GPC5: variants seen among roughly 807,000 people sequenced by gnomAD.
GPC5 encodes glypican-5.
GPC5 carries 47 observed loss-of-function variants against 53.9 expected under a neutral mutation model. That is an observed-to-expected ratio of 0.87 (90% CI 0.69 to 1.11). GPC5 has a LOEUF of 1.11. Among genes scored for constraint, GPC5 ranks in the 50% most tolerant of loss-of-function variants. The probability of loss-of-function intolerance (pLI) is 0.00; values close to 1 mark genes in which losing one functional copy is unlikely to be tolerated. For synonymous variants in GPC5, 286 were observed against 263.3 expected (o/e 1.09, Z -0.84); for missense variants, 748 against 713.1 (o/e 1.05, Z -0.56).
chr13:91,638,809 G>GTAT (rs1388496717), intron 2 of GPC5, among the ~76,000 whole-genome samples: 1 of 152,106 alleles, frequency 6.6e-6, no homozygotes, highest in African/African-American at 2.4e-5. Context: ...GTTAGCTAAC[G>GTAT]TATTATACCT....
chr13:91,805,656 A>G (rs779552795), intron 5 of GPC5, among the ~76,000 whole-genome samples: 4 of 152,214 alleles, frequency 2.6e-5, no homozygotes, highest in Non-Finnish European at 4.4e-5. Flanking sequence ...TTCTCATGCC[A>G]GATGCTCTTT....
In GPC5 at chr13:92,460,441, T is replaced by C. The variant is rs76366572; in HGVS notation, c.1561+315452T>C. On this transcript the variant is annotated intron_variant, in intron 7 of 7. Coordinates refer to ENST00000377067, the MANE Select transcript of GPC5 (RefSeq NM_004466.6). The stretch of plus-strand genomic sequence containing the variant: ...CTTTCTTACTTTCTTTTTTTTTCTT[T>C]CTGCAAGGAAAAGTTATGTCCAATA... Among the ~76,000 whole-genome samples the C allele has an allele frequency of 3.2e-3, 480 of 152,272 alleles. 1 individual carries two copies. The highest frequency in any genetic ancestry group is 0.011 in the African/African-American group (442 of 41,550).
At chr13:92,280,758 T>C (rs950914223) in intron 7 of GPC5, among the ~76,000 whole-genome samples, 10 of 151,894 alleles carry the variant, frequency 6.6e-5, no homozygotes, top group Admixed American at 3.9e-4. Flanking sequence ...TATGACGGGG[T>C]GCGGGGGGCG....
At chr13:92,482,158 G>A (rs1377517291) in intron 7 of GPC5, among the ~76,000 whole-genome samples, 1 of 151,922 alleles carries the variant, frequency 6.6e-6, no homozygotes, top group Non-Finnish European at 1.5e-5. Flanking sequence ...GATGTTGGGT[G>A]CGTAGCAGCT....
chr13:91,579,718 C>T (rs1166285401), intron 2 of GPC5, among the ~76,000 whole-genome samples: 4 of 148,940 alleles, frequency 2.7e-5, no homozygotes, highest in African/African-American at 9.9e-5. Flanking sequence ...AACTTCTGCC[C>T]CCTGGGTTCA....
intron 7 of GPC5, among the ~76,000 whole-genome samples, chr13:92,357,583 C>A (rs1319978214): frequency 6.6e-6 from 1 of 151,572 alleles, no homozygotes; most frequent in Non-Finnish European, 1.5e-5. Context: ...AAAGAACTAC[C>A]AGAGACTCGG....
intron 6 of GPC5, among the ~76,000 whole-genome samples, chr13:92,091,507 T>C (rs934354275): frequency 1.3e-5 from 2 of 151,996 alleles, no homozygotes; most frequent in Non-Finnish European, 2.9e-5. Flanking sequence ...AACGCATTTA[T>C]TATACCATTT....
intron 2 of GPC5, among the ~76,000 whole-genome samples, chr13:91,570,536 A>G (rs2031735369): frequency 6.6e-6 from 1 of 152,194 alleles, no homozygotes; most frequent in African/African-American, 2.4e-5. Flanking sequence ...ATGGGTGCCT[A>G]TGATTATGTT....
chr13:92,624,854 T>A (rs1384296867), intron 7 of GPC5, among the ~76,000 whole-genome samples: 2 of 152,228 alleles, frequency 1.3e-5, no homozygotes, highest in Non-Finnish European at 2.9e-5. Flanking sequence ...GGGCTTACTA[T>A]GCAAATATCC....
chr13:92,832,643 TC>T (rs1486703185), intron 7 of GPC5, among the ~76,000 whole-genome samples: 1 of 152,124 alleles, frequency 6.6e-6, no homozygotes, highest in Non-Finnish European at 1.5e-5. Context: ...ACCCCTTGAC[TC>T]CCTTACCTCC....
At position 91,921,715 on chromosome 13, in the gene GPC5, G is replaced by A. The variant is rs1014751553; in HGVS notation, c.1401+13658G>A. On this transcript the variant is annotated intron_variant, in intron 6 of 7. Coordinates refer to ENST00000377067, the MANE Select transcript of GPC5 (RefSeq NM_004466.6). ...AATCCCAGCATGTTAGGAGCCTAACGTGGTAGGGTCACTTAAGGCCAAGAG... is the reference window on the plus strand; with the variant it reads ...AATCCCAGCATGTTAGGAGCCTAACATGGTAGGGTCACTTAAGGCCAAGAG... 3.3e-5 allele frequency among the ~76,000 whole-genome samples: 5 copies of A among 151,944 alleles called. No individual in the cohort carries two copies. The South Asian group carries it at 8.3e-4, about 25-fold the overall frequency.
intron 2 of GPC5, among the ~76,000 whole-genome samples, chr13:91,560,829 G>T (rs2031219182): frequency 6.6e-6 from 1 of 152,028 alleles, no homozygotes; most frequent in African/African-American, 2.4e-5. Flanking sequence ...AGCAGCTTGA[G>T]TCACCACAGT....
At chr13:92,842,019 G>T (rs568793011) in intron 7 of GPC5, among the ~76,000 whole-genome samples, 1 of 151,970 alleles carries the variant, frequency 6.6e-6, no homozygotes. Flanking sequence ...AAGTGGTCTT[G>T]GTCTTCCATT....
chr13:92,402,787 A>G (rs148258508), intron 7 of GPC5, among the ~76,000 whole-genome samples: 18 of 152,350 alleles, frequency 1.2e-4, no homozygotes, highest in Non-Finnish European at 2.6e-4. Context: ...TTTGAAGTCA[A>G]TTAAGAGCTA....
intron 6 of GPC5, among the ~76,000 whole-genome samples, chr13:91,978,034 TC>T (rs957968682): frequency 2.6e-5 from 4 of 151,914 alleles, no homozygotes; most frequent in African/African-American, 9.7e-5. Flanking sequence ...ACACTTGTAG[TC>T]CCAGCTACAG....
chr13:91,400,030 C>T (rs1030997246), intron 1 of GPC5, among the ~76,000 whole-genome samples: 14 of 152,206 alleles, frequency 9.2e-5, no homozygotes, highest in African/African-American at 3.1e-4. Context: ...CAATTTCCTT[C>T]TGCTGGTGGG....
intron 7 of GPC5, among the ~76,000 whole-genome samples, chr13:92,394,205 C>T (rs1037397858): frequency 6.6e-6 from 1 of 152,108 alleles, no homozygotes; most frequent in Admixed American, 6.6e-5. Flanking sequence ...TATTATTATA[C>T]TTATCTACAT....
In GPC5 at chr13:92,564,470, T is replaced by G. The variant is rs190890215; in HGVS notation, c.1562-301812T>G. ...TAGCCCCATTGTTATTATTTTTGTG[T>G]CTATTTTTCCTGCTTCATTTTATTT... On this transcript the variant is annotated intron_variant, in intron 7 of 7. Coordinates refer to ENST00000377067, the MANE Select transcript of GPC5 (RefSeq NM_004466.6). Among the ~76,000 whole-genome samples the G allele has an allele frequency of 1.3e-3, 192 of 152,220 alleles. 1 individual carries two copies. Among genetic ancestry groups the G allele is most frequent in the African/African-American group, 4.5e-3 (187 of 41,580 alleles).
chr13:91,583,000 C>T (rs923808631), intron 2 of GPC5, among the ~76,000 whole-genome samples: 3 of 151,502 alleles, frequency 2.0e-5, no homozygotes, highest in Non-Finnish European at 4.4e-5. Flanking sequence ...AACTCCACCT[C>T]AAAAATAAAT....
Sources: gnomAD v4.1 joint callset for allele counts (sites outside exome capture counted in the v4.1 genomes callset) on GRCh38, gnomAD v4.1.1 for gene constraint, MANE v1.5 for transcripts, NCBI Gene and HGNC (gene_info 2026-07-23, HGNC 2026-07-21) for gene names.